Variants in PTGER3 observed in about 807,000 individuals in gnomAD.
PTGER3 encodes prostaglandin E receptor 3, also known as prostaglandin E2 receptor EP3 subtype.
Under a neutral mutation model 34.7 loss-of-function variants are expected in PTGER3, and 22 were observed. The ratio of observed to expected loss-of-function variants is 0.63; its 90% CI spans 0.45 to 0.91. The LOEUF (loss-of-function observed/expected upper bound fraction) is 0.91. Ranked by LOEUF, PTGER3 falls within the 40% of genes least tolerant of loss-of-function variation. PTGER3 has a pLI of 0.00. For missense variants in PTGER3, 468 were observed against 519.4 expected, an observed-to-expected ratio of 0.90 and a Z score of 0.96; for synonymous variants, 241 against 230.1, an observed-to-expected ratio of 1.05 and a Z score of -0.43.
At chr1:70,953,946 G>A (rs1398113991) in intron 2 of PTGER3, among the ~76,000 whole-genome samples, 6 of 152,052 alleles carry the variant, frequency 3.9e-5, no homozygotes, top group African/African-American at 1.2e-4. Flanking sequence ...AACAACATGG[G>A]CATGGCTGAA....
At chr1:71,046,306 ACCCC>A (rs1557775789) in intron 1 of PTGER3, among the ~76,000 whole-genome samples, 5 of 147,162 alleles carry the variant, frequency 3.4e-5, no homozygotes, top group Admixed American at 6.7e-5. Context: ...AAAAAAAAAA[ACCCC>A]ACAATATCAG....
At chr1:71,005,715 G>GT in intron 2 of PTGER3, 1 of 241,008 alleles carries the variant, frequency 4.1e-6, no homozygotes, top group Non-Finnish European at 6.7e-6. Context: ...CTCAAGGCTA[G>GT]TACTAGCAAG....
Position 71,002,434 on chromosome 1 carries a change from CAT to C in PTGER3, c.1077+9869_1077+9870del, listed in dbSNP as rs1175951598. Among the ~76,000 whole-genome samples the C allele has an allele frequency of 2.0e-5, 3 of 152,150 alleles. No homozygotes were observed. The East Asian group carries it at 5.8e-4, about 29-fold the overall frequency. Reference sequence around the variant, plus strand: ...TTCTGGCTCCTTGTCCAATGTAGAACATTTTCTCTTTCATTATGACACACAAA... The same window carrying C: ...TTCTGGCTCCTTGTCCAATGTAGAACTTTCTCTTTCATTATGACACACAAA... On this transcript the variant is annotated intron_variant, in intron 2 of 3. Coordinates refer to ENST00000306666, the MANE Select transcript of PTGER3 (RefSeq NM_198719.2).
intron 3 of PTGER3, among the ~76,000 whole-genome samples, chr1:70,973,199 AGAT>A (rs1405874626): frequency 1.4e-5 from 2 of 140,192 alleles, no homozygotes; most frequent in Non-Finnish European, 3.1e-5. Context: ...AGATATAGAT[AGAT>A]GATAGATAGA....
chr1:70,852,872 C>T (rs770385785), intron 4 of PTGER3: 1 of 1,611,968 alleles, frequency 6.2e-7, no homozygotes, highest in Non-Finnish European at 8.5e-7. Context: ...GGAAAACAAA[C>T]AAATCAATTA....
intron 2 of PTGER3, chr1:71,010,967 A>G (rs1657388923): frequency 3.0e-6 from 3 of 985,680 alleles, no homozygotes; most frequent in Non-Finnish European, 3.6e-6. Flanking sequence ...AAGCAGTGCA[A>G]GAAACTGCAA....
intron 4 of PTGER3, among the ~76,000 whole-genome samples, chr1:70,863,504 A>T (rs1645974211): frequency 6.6e-6 from 1 of 152,186 alleles, no homozygotes; most frequent in Admixed American, 6.6e-5. Context: ...CCCTCTTCAA[A>T]ATCATAGATC....
At chr1:71,014,629 A>G (rs1045374188) in intron 1 of PTGER3, among the ~76,000 whole-genome samples, 2 of 152,196 alleles carry the variant, frequency 1.3e-5, no homozygotes, top group South Asian at 2.1e-4. Flanking sequence ...AAGAACCCAC[A>G]GGTCTCTCCT....
chr1:71,020,697 A>AGTGTGTGTGTGTGTGTGTGTGTGT (rs112981971), intron 1 of PTGER3, among the ~76,000 whole-genome samples: 4 of 144,788 alleles, frequency 2.8e-5, no homozygotes, highest in African/African-American at 1.0e-4. Context: ...ATGTTAGCAG[A>AGTGTGTGTGTGTGTGTGTGTGTGT]GTGTGTGTGT....
chr1:71,010,436 T>G (rs951291462), intron 2 of PTGER3: 9 of 984,200 alleles, frequency 9.1e-6, no homozygotes, highest in Non-Finnish European at 1.1e-5. Flanking sequence ...TGAATAAATA[T>G]GTATTAGACA....
intron 2 of PTGER3, among the ~76,000 whole-genome samples, chr1:70,992,403 G>T (rs767182893): frequency 1.3e-5 from 2 of 152,164 alleles, no homozygotes; most frequent in Non-Finnish European, 2.9e-5. Context: ...CTAATTAAAA[G>T]CCTGATATAC....
chr1:70,968,398 T>A (rs1053217142), downstream of PTGER3, among the ~76,000 whole-genome samples: 3 of 152,202 alleles, frequency 2.0e-5, no homozygotes, highest in African/African-American at 7.2e-5. Context: ...CAAGTAACTT[T>A]TTTTTGGCAA....
In PTGER3 at chr1:70,858,043, G is replaced by T. The variant is rs377137453; in HGVS notation, c.*24-5184C>A. Among the ~76,000 whole-genome samples the T allele has an allele frequency of 3.9e-5, 6 of 152,134 alleles. No homozygotes were observed. In the East Asian group the frequency reaches 5.8e-4, roughly 15 times the overall value. On this transcript the variant is annotated intron_variant, in intron 4 of 4. Coordinates refer to the PTGER3 transcript ENST00000370931. Reference sequence around the variant, plus strand: ...AGAAAAGATAGTCATAAAATACAGTGAATGTCTCAAGAACCACTGATATAT... The same window carrying T: ...AGAAAAGATAGTCATAAAATACAGTTAATGTCTCAAGAACCACTGATATAT...
At chr1:70,922,536 G>GA (rs1226878131) in intron 4 of PTGER3, among the ~76,000 whole-genome samples, 4 of 152,032 alleles carry the variant, frequency 2.6e-5, no homozygotes, top group African/African-American at 9.7e-5. Context: ...AGCTGTGCTG[G>GA]AAAAAGCCAG....
At chr1:70,942,051 T>A (rs1649809717) in intron 4 of PTGER3, among the ~76,000 whole-genome samples, 1 of 152,116 alleles carries the variant, frequency 6.6e-6, no homozygotes, top group Admixed American at 6.6e-5. Flanking sequence ...GAAGGGGTTA[T>A]CCAGCCAACC....
At chr1:71,033,831 T>C (rs933174921) in intron 1 of PTGER3, among the ~76,000 whole-genome samples, 1 of 152,182 alleles carries the variant, frequency 6.6e-6, no homozygotes. Flanking sequence ...AAGTGTCTGC[T>C]AAATAAATTA....
intron 4 of PTGER3, among the ~76,000 whole-genome samples, chr1:70,936,897 TG>T (rs1351558692): frequency 2.6e-5 from 4 of 152,174 alleles, no homozygotes; most frequent in African/African-American, 9.7e-5. Context: ...AAGTAAATAC[TG>T]TATCAATTAA....
At chr1:70,912,125 C>T (rs1319947245) in intron 4 of PTGER3, among the ~76,000 whole-genome samples, 3 of 151,824 alleles carry the variant, frequency 2.0e-5, no homozygotes, top group Admixed American at 1.3e-4. Flanking sequence ...TATGGTAACT[C>T]GGTGTTCTTA....
chr1:71,005,921 C>T (rs1295894068), intron 2 of PTGER3: 1 of 784,846 alleles, frequency 1.3e-6, no homozygotes, highest in East Asian at 1.3e-4. Flanking sequence ...ATTCGCAGGG[C>T]ACAGAGCGAT....
Sources: allele counts gnomAD v4.1 joint callset (sites outside exome capture counted in the v4.1 genomes callset), GRCh38; gene constraint gnomAD v4.1.1; transcripts MANE v1.5; gene names NCBI Gene and HGNC (gene_info 2026-07-23, HGNC 2026-07-21).